Variants in SPRED2 observed in about 807,000 individuals in gnomAD.
SPRED2 encodes sprouty-related, EVH1 domain-containing protein 2.
A neutral mutation model predicts 43.0 loss-of-function variants in SPRED2; 47 were observed. The ratio of observed to expected loss-of-function variants is 1.09; its 90% CI spans 0.87 to 1.40. SPRED2 has a LOEUF of 1.40. Ranked by LOEUF, SPRED2 falls within the 40% of genes most tolerant of loss-of-function variation. The pLI, the probability that SPRED2 is intolerant of heterozygous loss-of-function variation, is 0.00. For synonymous variants in SPRED2, 225 were observed against 225.7 expected, an observed-to-expected ratio of 1.00 and a Z score of 0.03; for missense variants, 561 against 586.4, an observed-to-expected ratio of 0.96 and a Z score of 0.45.
intron 1 of SPRED2, among the ~76,000 whole-genome samples, chr2:65,354,552 GAAA>G (rs11341778): frequency 7.0e-6 from 1 of 142,522 alleles, no homozygotes; most frequent in Non-Finnish European, 1.5e-5. Context: ...GTGCTCTCAT[GAAA>G]AAAAAAAAAA....
chr2:65,391,954 T>C lies in SPRED2; in HGVS notation c.26+40008A>G, dbSNP rs1259569818. ...CTATATTTATTTAGTCAACTATATA[T>C]TTCTTTTTTGTTAGCCTGGTGTTTT... On this transcript the variant is annotated intron_variant, in intron 1 of 5. Transcript: ENST00000356388. 5.9e-5 allele frequency among the ~76,000 whole-genome samples: 9 copies of C among 152,330 alleles called. No individual in the cohort carries two copies. In the East Asian group the frequency reaches 1.7e-3, roughly 29 times the overall value.
At chr2:65,322,262 CTCTCTCTCTA>C (rs1409476109) in intron 4 of SPRED2, among the ~76,000 whole-genome samples, 108 of 70,682 alleles carry the variant, frequency 1.5e-3, no homozygotes, top group African/African-American at 2.5e-3. Context: ...CTCTCTCTCT[CTCTCTCTCTA>C]TATATATATA....
Position 65,313,939 on chromosome 2 carries a change from G to A in SPRED2, c.819C>T (p.Asp273=). ...DYNYPYVDSS[D]FGLGEDPKGR... is the part of the protein sequence containing the mutation. ...CTTTGGGGTCCTCGCCTAGGCCAAA[G>A]TCTGAGGAGTCCACGTAGGGGTAGT... The change falls in exon 6 of 6, where the codon GAC becomes GAT. Residue 273 remains aspartate, a synonymous_variant. Coordinates refer to ENST00000356388, the MANE Select transcript of SPRED2 (RefSeq NM_181784.3). The A allele has an allele frequency of 6.2e-7, 1 of 1,611,706 alleles. No homozygotes were observed. Among genetic ancestry groups the A allele is most frequent in the African/African-American group, 1.3e-5 (1 of 75,070 alleles).
chr2:65,348,560 T>C (rs959667450), intron 1 of SPRED2, among the ~76,000 whole-genome samples: 8 of 151,788 alleles, frequency 5.3e-5, no homozygotes, highest in Non-Finnish European at 1.5e-5. Flanking sequence ...CCCAGCACTT[T>C]GGGAGGCTGA....
intron 1 of SPRED2, among the ~76,000 whole-genome samples, chr2:65,375,866 C>T (rs1345912513): frequency 2.0e-5 from 3 of 152,166 alleles, no homozygotes; most frequent in Non-Finnish European, 2.9e-5. Context: ...TTCCCATGAG[C>T]CCCCGATGCT....
At chr2:65,350,207 G>T (rs1368448720) in intron 1 of SPRED2, among the ~76,000 whole-genome samples, 2 of 152,190 alleles carry the variant, frequency 1.3e-5, no homozygotes, top group African/African-American at 4.8e-5. Context: ...TGCAGGGTTT[G>T]TTAGTGGTGG....
rs1249622804 is a variant in SPRED2 at position 65,311,480 on chromosome 2, T to A, written c.*2021A>T. 5.1e-6 allele frequency: 5 copies of A among 985,848 alleles called. No homozygotes were observed. The highest frequency in any genetic ancestry group is 6.0e-6 in the Non-Finnish European group (5 of 829,930). The allele number at this position is 985,848 out of a possible 1,614,324, so 61.1% of individuals were successfully genotyped here. ...TTCTTATTGAAATAAATAGGGGCAC[T>A]TGAACTGAGGTCTAAGGAAACGAAC... On this transcript the variant is annotated 3_prime_UTR_variant, in exon 6 of 6. Coordinates refer to ENST00000356388, the MANE Select transcript of SPRED2 (RefSeq NM_181784.3).
intron 1 of SPRED2, among the ~76,000 whole-genome samples, chr2:65,351,127 C>G (rs1674499641): frequency 6.6e-6 from 1 of 152,164 alleles, no homozygotes; most frequent in African/African-American, 2.4e-5. Context: ...TGGGTTTCGA[C>G]TGCCTGCCCT....
intron 1 of SPRED2, among the ~76,000 whole-genome samples, chr2:65,376,916 G>T (rs993234663): frequency 2.6e-5 from 4 of 151,984 alleles, no homozygotes; most frequent in Non-Finnish European, 5.9e-5. Flanking sequence ...GGGTTTCACC[G>T]TGTTAGCCAG....
chr2:65,327,713 CTTTTTTTTTTTTTTTTTTT>C (rs555549300), intron 4 of SPRED2, among the ~76,000 whole-genome samples: 6 of 74,446 alleles, frequency 8.1e-5, no homozygotes, highest in Non-Finnish European at 1.5e-4. Flanking sequence ...TTCTTTCTTT[CTTTTTTTTTTTTTTTTTTT>C]TTTTTTTTTG....
At chr2:65,421,613 CA>C (rs978620793) in intron 1 of SPRED2, among the ~76,000 whole-genome samples, 5 of 152,202 alleles carry the variant, frequency 3.3e-5, no homozygotes, top group African/African-American at 9.6e-5. Flanking sequence ...AGCTTTCCAT[CA>C]GGGGTAAGTT....
chr2:65,409,755 G>T (rs941395002), intron 1 of SPRED2, among the ~76,000 whole-genome samples: 1 of 151,342 alleles, frequency 6.6e-6, no homozygotes, highest in African/African-American at 2.4e-5. Context: ...GAAATTTTAG[G>T]CTGGGCATGG....
chr2:65,424,206 C>T (rs181307460), intron 1 of SPRED2, among the ~76,000 whole-genome samples: 5 of 152,110 alleles, frequency 3.3e-5, no homozygotes, highest in East Asian at 1.9e-4. Flanking sequence ...GGAAGAGGTA[C>T]GGTCTCACTC....
downstream of SPRED2, chr2:65,310,789 A>G (rs1673047207): frequency 3.5e-6 from 3 of 861,130 alleles, no homozygotes; most frequent in African/African-American, 5.5e-5. Flanking sequence ...GGGAACTCCA[A>G]GATCTGCCAA....
chr2:65,341,702 T>C (rs1674190244), intron 2 of SPRED2, among the ~76,000 whole-genome samples: 1 of 152,166 alleles, frequency 6.6e-6, no homozygotes, highest in Non-Finnish European at 1.5e-5. Context: ...CTGGAACAAA[T>C]GGTAAAAGTT....
Position 65,312,516 on chromosome 2 carries a change from G to A in SPRED2, c.*985C>T. 1.0e-6 allele frequency: 1 copy of A among 985,408 alleles called. No individual in the cohort carries two copies. Among genetic ancestry groups the A allele is most frequent in the South Asian group, 4.7e-5 (1 of 21,278 alleles). 61.0% of individuals were successfully genotyped at this position (985,408 alleles called of 1,614,324 possible). On this transcript the variant is annotated 3_prime_UTR_variant, in exon 6 of 6. Transcript: ENST00000356388. ...CCTTAGTGTTTCTCAACTGGAACTT[G>A]TTCGTGGGAACACTGATTTGTGTTT...
intron 1 of SPRED2, among the ~76,000 whole-genome samples, chr2:65,404,497 G>T (rs913823872): frequency 6.6e-6 from 1 of 152,164 alleles, no homozygotes; most frequent in Non-Finnish European, 1.5e-5. Context: ...GTTTCTCAGG[G>T]AGTTTTCTCT....
chr2:65,331,670 A>G (rs753740111), intron 4 of SPRED2, among the ~76,000 whole-genome samples: 2 of 152,212 alleles, frequency 1.3e-5, no homozygotes, highest in Non-Finnish European at 2.9e-5. Flanking sequence ...TTTGTGCTAA[A>G]ACCAGGACAG....
intron 1 of SPRED2, among the ~76,000 whole-genome samples, chr2:65,356,108 T>C (rs1674636739): frequency 6.6e-6 from 1 of 152,218 alleles, no homozygotes; most frequent in Admixed American, 6.5e-5. Flanking sequence ...TATGCCTGAC[T>C]TTCTCAGAAT....
Sources: gnomAD v4.1 joint callset for allele counts (sites outside exome capture counted in the v4.1 genomes callset) on GRCh38, gnomAD v4.1.1 for gene constraint, MANE v1.5 for transcripts, NCBI Gene and HGNC (gene_info 2026-07-23, HGNC 2026-07-21) for gene names.